Variants in DLG5 observed in about 807,000 individuals in gnomAD.
DLG5 encodes the protein discs large MAGUK scaffold protein 5, also known as disks large homolog 5.
A neutral mutation model predicts 189.8 loss-of-function variants in DLG5; 48 were observed. The ratio of observed to expected loss-of-function variants is 0.25; its 90% CI spans 0.20 to 0.32. DLG5 has a LOEUF of 0.32. Ranked by LOEUF, DLG5 falls within the 10% of genes least tolerant of loss-of-function variation. The probability of loss-of-function intolerance (pLI) is 1.00; values close to 1 mark genes in which losing one functional copy is unlikely to be tolerated. For synonymous variants in DLG5, 1,016 were observed against 1,054.1 expected, an observed-to-expected ratio of 0.96 and a Z score of 0.70; for missense variants, 2,160 against 2,544.7, an observed-to-expected ratio of 0.85 and a Z score of 3.25.
At chr10:77,856,251 C>A (rs1326216704) in intron 3 of DLG5, among the ~76,000 whole-genome samples, 1 of 152,116 alleles carries the variant, frequency 6.6e-6, no homozygotes, top group African/African-American at 2.4e-5. Flanking sequence ...ACTTGGAAGG[C>A]TGAGGTGGGA....
intron 10 of DLG5, 55 bp downstream of exon 10, chr10:77,830,686 C>T (rs577688093): frequency 2.4e-5 from 38 of 1,597,252 alleles, no homozygotes; most frequent in Admixed American, 3.4e-5. Context: ...AGCGGGTCAC[C>T]GTCTCCTCCT....
At chr10:77,918,062 G>T (rs1846420671) in intron 1 of DLG5, among the ~76,000 whole-genome samples, 1 of 151,120 alleles carries the variant, frequency 6.6e-6, no homozygotes, top group Admixed American at 6.6e-5. Flanking sequence ...TACTGAATTT[G>T]TACACTTAAA....
At chr10:77,911,951 C>T (rs1033039222) in intron 1 of DLG5, among the ~76,000 whole-genome samples, 2 of 149,184 alleles carry the variant, frequency 1.3e-5, no homozygotes, top group East Asian at 3.9e-4. Flanking sequence ...GTGATCCCAA[C>T]ACTTTGGGAG....
chr10:77,898,540 CCAGA>C (rs1316293118), intron 1 of DLG5, among the ~76,000 whole-genome samples: 1 of 152,202 alleles, frequency 6.6e-6, no homozygotes, highest in East Asian at 1.9e-4. Context: ...GCTATTAAAG[CCAGA>C]AAAGGCCTGC....
At chr10:77,811,262 G>A in intron 22 of DLG5, 28 bp from the exon 23 acceptor site, 1 of 1,605,378 alleles carries the variant, frequency 6.2e-7, no homozygotes, top group Non-Finnish European at 8.5e-7. Flanking sequence ...GAGGGATAAG[G>A]AGCAGTACGA....
At chr10:77,878,425 C>G (rs771670652) in intron 1 of DLG5, among the ~76,000 whole-genome samples, 1 of 152,216 alleles carries the variant, frequency 6.6e-6, no homozygotes, top group Non-Finnish European at 1.5e-5. Flanking sequence ...TTACTGTTAC[C>G]GTCTCACAGG....
chr10:77,819,037 G>A (rs187890670), intron 17 of DLG5, among the ~76,000 whole-genome samples: 120 of 152,306 alleles, frequency 7.9e-4, no homozygotes, highest in African/African-American at 2.6e-3. Context: ...CTGTTGATTC[G>A]GTGAAATGAT....
At chr10:77,843,858 A>C in intron 5 of DLG5, 152 bp from the exon 6 acceptor site, 1 of 888,234 alleles carries the variant, frequency 1.1e-6, no homozygotes, top group Non-Finnish European at 1.7e-6. Context: ...CTTGAGGTCC[A>C]ATTCTCCAGG....
intron 7 of DLG5, 83 bp from the exon 8 acceptor site, chr10:77,836,005 G>A (rs1415741273): frequency 6.9e-7 from 1 of 1,441,564 alleles, no homozygotes; most frequent in African/African-American, 1.4e-5. Context: ...CGGGGGCCAA[G>A]GCTGAGGCTC....
Position 77,796,650 on chromosome 10 carries a change from TG to T in DLG5, c.5165-57del, listed in dbSNP as rs1840939518. On this transcript the variant is annotated intron_variant, in intron 27 of 31. Transcript: ENST00000372391. This position sits in a 1 kb window ranked among gnomAD's most constrained non-coding sequence, Gnocchi z 5.2. The stretch of plus-strand genomic sequence containing the variant: ...CCCAGCTTGGAGTGGAGGACCTGAG[TG>T]GGGCTGGGGAACCCCGCTCCCTGAC... 6.2e-7 allele frequency: 1 copy of T among 1,603,902 alleles called. No individual in the cohort carries two copies. The highest frequency in any genetic ancestry group is 8.5e-7 in the Non-Finnish European group (1 of 1,172,762).
chr10:77,908,790 G>C (rs768941917), intron 1 of DLG5, among the ~76,000 whole-genome samples: 31 of 152,112 alleles, frequency 2.0e-4, no homozygotes, highest in Non-Finnish European at 3.2e-4. Flanking sequence ...AAACTCCTGG[G>C]GGGTGGGGGG....
intron 5 of DLG5, among the ~76,000 whole-genome samples, chr10:77,852,280 A>T (rs1844015533): frequency 6.6e-6 from 1 of 151,490 alleles, no homozygotes; most frequent in South Asian, 2.1e-4. Flanking sequence ...CTGAGGCAGG[A>T]GAATCACTTG....
At chr10:77,839,192 C>T (rs530752358) in intron 7 of DLG5, among the ~76,000 whole-genome samples, 4 of 152,282 alleles carry the variant, frequency 2.6e-5, no homozygotes, top group Admixed American at 1.3e-4. Flanking sequence ...ACAGTCTTCA[C>T]GATTAACTTC....
chr10:77,863,771 T>C (rs1844564808), intron 2 of DLG5, among the ~76,000 whole-genome samples: 1 of 152,144 alleles, frequency 6.6e-6, no homozygotes, highest in Non-Finnish European at 1.5e-5. Flanking sequence ...AGGTAAGGGA[T>C]TTGGTTTGGA....
chr10:77,820,811 T>G, intron 15 of DLG5: 1 of 492,430 alleles, frequency 2.0e-6, no homozygotes, highest in Non-Finnish European at 3.6e-6. Flanking sequence ...TTTTATTGTG[T>G]AAGTTCAAAA....
chr10:77,926,513 G>C lies in DLG5; in HGVS notation c.8C>G (p.Pro3Arg), dbSNP rs1395954673. Residue 3 changes from proline (P) to arginine (R), a missense_variant, in exon 1 of 32, where the codon CCC (proline) becomes CGC (arginine). This residue lies in a region of DLG5 where 664 missense variants were observed against 838.5 expected (regional missense o/e 0.79). Transcript: ENST00000372391. The surrounding 1 kb of genome is among the most constrained non-coding windows in gnomAD (Gnocchi z 5.2). Reference protein sequence around the residue: MEPQRRELLAQCQ... With the variant: MERQRRELLAQCQ... ...CTGGGCGAGCAGCTCCCGGCGCTGG[G>C]GCTCCATGGTGGCGGGCCGCGCCGC... 3.0e-6 allele frequency: 4 copies of C among 1,320,614 alleles called. No homozygotes were observed. In the South Asian group the frequency reaches 6.6e-5, roughly 22 times the overall value. The allele number at this position is 1,320,614 out of a possible 1,614,324, so 81.8% of individuals were successfully genotyped here.
chr10:77,831,903 A>T (rs573622361), intron 9 of DLG5, among the ~76,000 whole-genome samples: 21 of 152,366 alleles, frequency 1.4e-4, no homozygotes, highest in African/African-American at 5.0e-4. Context: ...CCATTGTTAC[A>T]ATTTTAAAAA....
At chr10:77,908,147 CAA>C (rs1419645401) in intron 1 of DLG5, among the ~76,000 whole-genome samples, 1 of 152,138 alleles carries the variant, frequency 6.6e-6, no homozygotes, top group Non-Finnish European at 1.5e-5. Flanking sequence ...TTCTCCTCCC[CAA>C]AGAGACAGCC....
chr10:77,814,503 A>ATC (rs1294856781), intron 20 of DLG5, among the ~76,000 whole-genome samples: 11 of 115,770 alleles, frequency 9.5e-5, no homozygotes, highest in South Asian at 2.8e-4. Context: ...ATATATATAT[A>ATC]TATCCAAAGG....
Sources: allele counts gnomAD v4.1 joint callset (sites outside exome capture counted in the v4.1 genomes callset), GRCh38; gene constraint gnomAD v4.1.1; regional missense constraint gnomAD v4.1.1; non-coding constraint Gnocchi (gnomAD v3.1); transcripts MANE v1.5; gene names NCBI Gene and HGNC (gene_info 2026-07-23, HGNC 2026-07-21).